The following PCDH15 variants were observed in gnomAD, a reference collection of about 807,000 sequenced individuals.
PCDH15 encodes the protein protocadherin-15.
A neutral mutation model predicts 178.5 loss-of-function variants in PCDH15; 129 were observed. The ratio of observed to expected loss-of-function variants is 0.72; its 90% CI spans 0.63 to 0.84. The LOEUF is 0.84. Ranked by LOEUF, PCDH15 falls within the 40% of genes least tolerant of loss-of-function variation. The probability of loss-of-function intolerance (pLI) is 0.00; values close to 1 mark genes in which losing one functional copy is unlikely to be tolerated. For synonymous variants in PCDH15, 800 were observed against 732.0 expected (o/e 1.09, Z -1.50); for missense variants, 2,230 against 2,099.9 (o/e 1.06, Z -1.21).
chr10:54,006,491 A>G (rs1389584163), intron 20 of PCDH15, among the ~76,000 whole-genome samples: 1 of 152,206 alleles, frequency 6.6e-6, no homozygotes, highest in Non-Finnish European at 1.5e-5. Flanking sequence ...GGTATGCTGT[A>G]GATGAAATGT....
chr10:55,195,060 G>T (rs1840049074), intron 1 of PCDH15, among the ~76,000 whole-genome samples: 2 of 145,896 alleles, frequency 1.4e-5, no homozygotes, highest in South Asian at 4.3e-4. Context: ...GTCTTGCTCT[G>T]TGGCCCAGGC....
At chr10:54,917,046 A>G (rs182491734) in intron 2 of PCDH15, among the ~76,000 whole-genome samples, 2 of 152,302 alleles carry the variant, frequency 1.3e-5, no homozygotes, top group East Asian at 1.9e-4. Context: ...TTTAGAAGAC[A>G]TGCTGCAGAT....
At chr10:54,420,527 G>C (rs544401699) in intron 3 of PCDH15, among the ~76,000 whole-genome samples, 2 of 152,240 alleles carry the variant, frequency 1.3e-5, no homozygotes, top group Admixed American at 6.5e-5. Flanking sequence ...TCATGGAGCA[G>C]GTCAAACTAG....
intron 2 of PCDH15, among the ~76,000 whole-genome samples, chr10:54,647,480 T>C (rs1344639862): frequency 6.6e-6 from 1 of 152,072 alleles, no homozygotes; most frequent in Non-Finnish European, 1.5e-5. Flanking sequence ...TACAGTATTG[T>C]TAAAAACTTT....
intron 2 of PCDH15, among the ~76,000 whole-genome samples, chr10:54,925,340 A>ATATATATTG (rs1327256354): frequency 9.9e-5 from 15 of 152,146 alleles, no homozygotes; most frequent in African/African-American, 3.1e-4. Flanking sequence ...TGTTTTGGTT[A>ATATATATTG]CTGTAGCCTT....
At chr10:54,260,882 G>A (rs1564811758) in intron 8 of PCDH15, among the ~76,000 whole-genome samples, 1 of 152,088 alleles carries the variant, frequency 6.6e-6, no homozygotes, top group African/African-American at 2.4e-5. Context: ...ATATGCCCAC[G>A]TTGGCCTCCC....
chr10:54,851,407 G>T (rs568664420), intron 3 of PCDH15, among the ~76,000 whole-genome samples: 1 of 152,098 alleles, frequency 6.6e-6, no homozygotes, highest in Admixed American at 6.5e-5. Context: ...AATAAATATG[G>T]TGTTTGAGAT....
chr10:55,037,992 A>T (rs997221780), intron 2 of PCDH15, among the ~76,000 whole-genome samples: 2 of 152,172 alleles, frequency 1.3e-5, no homozygotes, highest in Non-Finnish European at 2.9e-5. Context: ...GTAAATTTTA[A>T]ATTAAGTATA....
At chr10:54,852,726 G>C (rs1306693238) in intron 3 of PCDH15, among the ~76,000 whole-genome samples, 1 of 151,606 alleles carries the variant, frequency 6.6e-6, no homozygotes, top group Non-Finnish European at 1.5e-5. Flanking sequence ...GGTGGTAGGC[G>C]CCTGTAATCC....
chr10:54,679,200 A>C (rs911649981), intron 1 of PCDH15, among the ~76,000 whole-genome samples: 30 of 151,774 alleles, frequency 2.0e-4, no homozygotes, highest in African/African-American at 7.0e-4. Context: ...AAAAAAAAAA[A>C]AAAAAAAAAA....
chr10:54,852,343 A>G (rs1953637099), intron 3 of PCDH15, among the ~76,000 whole-genome samples: 1 of 152,158 alleles, frequency 6.6e-6, no homozygotes, highest in South Asian at 2.1e-4. Flanking sequence ...TTTCAGTAAT[A>G]TATAACCTGG....
intron 1 of PCDH15, among the ~76,000 whole-genome samples, chr10:54,694,880 T>C (rs2095193628): frequency 6.6e-6 from 1 of 151,916 alleles, no homozygotes; most frequent in Admixed American, 6.6e-5. Flanking sequence ...AAGCTAAAAA[T>C]AAATAAGCTT....
chr10:54,097,317 AAGG>A (rs1430772196), intron 15 of PCDH15, among the ~76,000 whole-genome samples: 1 of 152,208 alleles, frequency 6.6e-6, no homozygotes, highest in African/African-American at 2.4e-5. Context: ...TTTACTCTGT[AAGG>A]AGGAGTATTT....
intron 2 of PCDH15, among the ~76,000 whole-genome samples, chr10:54,572,167 G>C (rs1022372589): frequency 1.3e-5 from 2 of 151,942 alleles, no homozygotes; most frequent in Non-Finnish European, 2.9e-5. Flanking sequence ...TGACATATAT[G>C]GTATAATTAA....
chr10:53,827,330 A>T, intron 32 of PCDH15, 63 bp downstream of exon 32: 2 of 1,523,212 alleles, frequency 1.3e-6, no homozygotes, highest in Non-Finnish European at 8.8e-7. Flanking sequence ...GAAATTAAAT[A>T]CTCACCACAC....
At chr10:53,949,470 G>T (rs2086835613) in intron 23 of PCDH15, among the ~76,000 whole-genome samples, 1 of 151,984 alleles carries the variant, frequency 6.6e-6, no homozygotes, top group African/African-American at 2.4e-5. Flanking sequence ...CCAAACTATT[G>T]TTCATCTTAT....
intron 1 of PCDH15, among the ~76,000 whole-genome samples, chr10:55,263,551 G>C (rs985636648): frequency 6.6e-6 from 1 of 151,956 alleles, no homozygotes; most frequent in African/African-American, 2.4e-5. Context: ...AGAAAGCCCT[G>C]GTGGTAGCCA....
chr10:55,147,988 G>A (rs1359903479), intron 2 of PCDH15, among the ~76,000 whole-genome samples: 2 of 151,688 alleles, frequency 1.3e-5, no homozygotes, highest in Non-Finnish European at 2.9e-5. Flanking sequence ...CAAAAGGGGG[G>A]AAAATACCCT....
chr10:55,198,055 T>C (rs773463698), intron 1 of PCDH15, among the ~76,000 whole-genome samples: 18 of 152,092 alleles, frequency 1.2e-4, no homozygotes, highest in Non-Finnish European at 2.4e-4. Flanking sequence ...TGGATAGATA[T>C]AGATAGATAG....
Sources: gnomAD v4.1 joint callset for allele counts (sites outside exome capture counted in the v4.1 genomes callset) on GRCh38, gnomAD v4.1.1 for gene constraint, MANE v1.5 for transcripts, NCBI Gene and HGNC (gene_info 2026-07-23, HGNC 2026-07-21) for gene names.